Variants in RAB11FIP4 observed in about 807,000 individuals in gnomAD.
RAB11FIP4 encodes rab11 family-interacting protein 4.
In RAB11FIP4, 23 loss-of-function variants were observed where a neutral mutation model predicts 74.3. The observed-to-expected ratio is 0.31, with a 90% CI of 0.22 to 0.44. The LOEUF (loss-of-function observed/expected upper bound fraction) is 0.44. Among genes scored for constraint, RAB11FIP4 ranks in the 20% least tolerant of loss-of-function variants. The probability of loss-of-function intolerance (pLI) is 1.00; values close to 1 mark genes in which losing one functional copy is unlikely to be tolerated. For synonymous variants in RAB11FIP4, 360 were observed against 359.9 expected (o/e 1.00, Z 0.00); for missense variants, 630 against 863.9 (o/e 0.73, Z 3.39).
intron 9 of RAB11FIP4, 192 bp downstream of exon 9, chr17:31,524,188 A>G: frequency 1.7e-6 from 1 of 572,818 alleles, no homozygotes; most frequent in South Asian, 2.1e-5. Context: ...ACAGGGAGAC[A>G]GGTTGGAGCT....
intron 3 of RAB11FIP4, among the ~76,000 whole-genome samples, chr17:31,446,232 T>G (rs2071462784): frequency 6.6e-6 from 1 of 152,028 alleles, no homozygotes; most frequent in Non-Finnish European, 1.5e-5. Flanking sequence ...ATTTTTCAAG[T>G]CTAAAACACA....
intron 3 of RAB11FIP4, among the ~76,000 whole-genome samples, chr17:31,486,215 C>A (rs971728916): frequency 2.0e-5 from 3 of 152,018 alleles, no homozygotes; most frequent in Admixed American, 2.0e-4. Context: ...GCCTGGGCAA[C>A]AGAATGAAAT....
At chr17:31,506,151 GT>G (rs760781491) in intron 3 of RAB11FIP4, among the ~76,000 whole-genome samples, 20 of 152,142 alleles carry the variant, frequency 1.3e-4, no homozygotes, top group Non-Finnish European at 2.8e-4. Context: ...GTATGTAGTT[GT>G]TTTTAATTTA....
intron 3 of RAB11FIP4, among the ~76,000 whole-genome samples, chr17:31,467,951 C>G (rs1310631991): frequency 6.6e-6 from 1 of 152,184 alleles, no homozygotes; most frequent in African/African-American, 2.4e-5. Context: ...TTTGCCCTTG[C>G]CTGGTGTTCG....
chr17:31,401,544 G>C (rs2070985777), intron 1 of RAB11FIP4, among the ~76,000 whole-genome samples: 1 of 152,232 alleles, frequency 6.6e-6, no homozygotes, highest in Admixed American at 6.5e-5. Context: ...AGGACCTCTG[G>C]CTTCCCTGGA....
intron 1 of RAB11FIP4, among the ~76,000 whole-genome samples, chr17:31,430,524 AT>A (rs369027337): frequency 1.3e-5 from 2 of 150,820 alleles, no homozygotes; most frequent in South Asian, 2.1e-4. Flanking sequence ...CGCCCGGCTA[AT>A]TTTTTTTGTA....
At chr17:31,434,232 C>G in intron 3 of RAB11FIP4, 110 bp downstream of exon 3, 1 of 852,628 alleles carries the variant, frequency 1.2e-6, no homozygotes, top group East Asian at 2.7e-5. Flanking sequence ...CCTCTGAGGA[C>G]CCTTCTTGAG....
intron 3 of RAB11FIP4, among the ~76,000 whole-genome samples, chr17:31,435,849 AGGCTGC>A (rs1295780199): frequency 1.3e-5 from 2 of 152,250 alleles, no homozygotes; most frequent in East Asian, 3.8e-4. Flanking sequence ...GCTAGGCCTC[AGGCTGC>A]TGTGCTCAAA....
In RAB11FIP4 at chr17:31,536,467, T is replaced by C. The variant is rs1252067823; in HGVS notation, c.*4735T>C. On this transcript the variant is annotated 3_prime_UTR_variant, in exon 15 of 15. Coordinates refer to ENST00000621161, the MANE Select transcript of RAB11FIP4 (RefSeq NM_032932.6). Reference sequence around the variant, plus strand: ...CTTTCTCAAGGGCTACTGTGGATTCTAGATTGAGGAAAGGGGCCACTTAGG... The same window carrying C: ...CTTTCTCAAGGGCTACTGTGGATTCCAGATTGAGGAAAGGGGCCACTTAGG... 2 of 152,900 alleles carry C rather than the reference T, an allele frequency of 1.3e-5. No homozygotes were observed. Among genetic ancestry groups the C allele is most frequent in the African/African-American group, 4.8e-5 (2 of 41,490 alleles). 9.5% of individuals were successfully genotyped at this position (152,900 alleles called of 1,614,324 possible).
At chr17:31,402,245 A>G (rs1439609724) in intron 1 of RAB11FIP4, among the ~76,000 whole-genome samples, 1 of 149,828 alleles carries the variant, frequency 6.7e-6, no homozygotes, top group Non-Finnish European at 1.5e-5. Context: ...ACCATCTACC[A>G]CTTCCTGAGT....
intron 3 of RAB11FIP4, among the ~76,000 whole-genome samples, chr17:31,449,538 A>T (rs1410377905): frequency 6.6e-6 from 1 of 152,048 alleles, no homozygotes; most frequent in East Asian, 1.9e-4. Context: ...CACTTCTCAC[A>T]GTCACCAGGG....
intron 3 of RAB11FIP4, chr17:31,448,438 C>T (rs540582553): frequency 1.5e-5 from 2 of 130,794 alleles, no homozygotes; most frequent in Non-Finnish European, 3.1e-5. Context: ...AGCTATGTTG[C>T]CCAGGATGGT....
intron 3 of RAB11FIP4, among the ~76,000 whole-genome samples, chr17:31,435,877 C>G (rs960689701): frequency 6.6e-6 from 1 of 152,230 alleles, no homozygotes; most frequent in African/African-American, 2.4e-5. Flanking sequence ...CAAGAGCCCT[C>G]AGGGATGCGT....
rs756358947 is a variant in RAB11FIP4, at chr17:31,536,809, C to T, written c.*5077C>T. The T allele has an allele frequency of 2.3e-5, 9 of 395,466 alleles. No homozygotes were observed. Among genetic ancestry groups the T allele is most frequent in the African/African-American group, 1.9e-4 (9 of 48,604 alleles). The allele number at this position is 395,466 out of a possible 1,614,324, so 24.5% of individuals were successfully genotyped here. On this transcript the variant is annotated 3_prime_UTR_variant, in exon 15 of 15. Coordinates refer to ENST00000621161, the MANE Select transcript of RAB11FIP4 (RefSeq NM_032932.6). Reference sequence around the variant, plus strand: ...TGAGGCCCTTCTGCCATATTCTCTGCTACCCACCAGAGAAAATAGGCTGCC... The same window carrying T: ...TGAGGCCCTTCTGCCATATTCTCTGTTACCCACCAGAGAAAATAGGCTGCC...
rs1308188592 is a variant in RAB11FIP4 at position 31,536,737 on chromosome 17, A to AG, written c.*5006dup. The AG allele has an allele frequency of 2.8e-6, 1 of 362,498 alleles. No individual in the cohort carries two copies. The highest frequency in any genetic ancestry group is 4.7e-5 in the Admixed American group (1 of 21,496). The allele number at this position is 362,498 out of a possible 1,614,324, so 22.5% of individuals were successfully genotyped here. A position where few individuals can be genotyped will look rare whatever the true frequency, so the allele number is the denominator to read the frequency against. On this transcript the variant is annotated 3_prime_UTR_variant, in exon 15 of 15. Transcript: ENST00000621161. The stretch of plus-strand genomic sequence containing the variant: ...AATGGGGCAGCCAGCAGGAAGCGGG[A>AG]GAGGCTGGAACCAGGAGCCTGCCCT...
chr17:31,449,734 C>T (rs572919059), intron 3 of RAB11FIP4, among the ~76,000 whole-genome samples: 263 of 152,258 alleles, frequency 1.7e-3, no homozygotes, highest in Non-Finnish European at 2.6e-3. Context: ...AGATGGGGGT[C>T]TTGTTCTGTT....
rs2072659657 is a variant in RAB11FIP4, at chr17:31,521,270, A to T, written c.668A>T (p.Asp223Val). The change falls in exon 5 of 15, where the codon GAC (aspartate) becomes GTC (valine). Residue 223 changes from aspartate (D) to valine (V), a missense_variant. Physicochemically the swap from Asp to Val is radical, Grantham distance 152 (BLOSUM62 -3). Transcript: ENST00000621161. Reference protein sequence around the residue: ...EEQFEDYGEGDDVDCAPSSPC... With the variant: ...EEQFEDYGEGVDVDCAPSSPC... The stretch of plus-strand genomic sequence containing the variant: ...CAGTTTGAAGACTATGGGGAGGGTG[A>T]CGATGTGGACTGTGCCCCCAGCAGC... 6.2e-7 allele frequency: 1 copy of T among 1,614,100 alleles called. No homozygotes were observed. Among genetic ancestry groups the T allele is most frequent in the Non-Finnish European group, 8.5e-7 (1 of 1,179,970 alleles).
At chr17:31,417,033 C>T (rs2071154388) in intron 1 of RAB11FIP4, among the ~76,000 whole-genome samples, 1 of 151,314 alleles carries the variant, frequency 6.6e-6, no homozygotes, top group African/African-American at 2.4e-5. Context: ...CATATTCCTT[C>T]CATCCACCCC....
At chr17:31,420,608 T>A (rs1032946077) in intron 1 of RAB11FIP4, among the ~76,000 whole-genome samples, 5 of 151,618 alleles carry the variant, frequency 3.3e-5, no homozygotes, top group Admixed American at 3.3e-4. Flanking sequence ...ATCAGTTTTG[T>A]TAATCTTTTC....
Sources: gnomAD v4.1 joint callset for allele counts (sites outside exome capture counted in the v4.1 genomes callset) on GRCh38, gnomAD v4.1.1 for gene constraint, MANE v1.5 for transcripts, NCBI Gene and HGNC (gene_info 2026-07-23, HGNC 2026-07-21) for gene names.